ZFP1: variants seen among roughly 807,000 people sequenced by gnomAD.
ZFP1 encodes the protein ZFP1 zinc finger protein.
Under a neutral mutation model 38.5 loss-of-function variants are expected in ZFP1, and 32 were observed. The observed-to-expected ratio is 0.83, with a 90% CI of 0.63 to 1.12. ZFP1 has a LOEUF of 1.12. Ranked by LOEUF, ZFP1 falls within the 50% of genes most tolerant of loss-of-function variation. The pLI is 0.00. For missense variants in ZFP1, 616 were observed against 480.8 expected (o/e 1.28, Z -2.63); for synonymous variants, 245 against 168.8 (o/e 1.45, Z -3.50).
chr16:75,147,585 C>G (rs1045743423), upstream of ZFP1, among the ~76,000 whole-genome samples: 1 of 152,004 alleles, frequency 6.6e-6, no homozygotes, highest in Non-Finnish European at 1.5e-5. Flanking sequence ...CTGAGCCTGG[C>G]CAGGTGCTGA....
At chr16:75,151,081 A>ACC (rs996503742) in intron 1 of ZFP1, among the ~76,000 whole-genome samples, 5 of 151,716 alleles carry the variant, frequency 3.3e-5, no homozygotes, top group African/African-American at 1.2e-4. Flanking sequence ...CTGGTCTCAA[A>ACC]CCCCTGGGCT....
rs2038302576 is a variant in ZFP1 at position 75,169,497 on chromosome 16, G to A, written c.387G>A (p.Lys129=). The A allele has an allele frequency of 1.2e-6, 2 of 1,613,130 alleles. No individual in the cohort carries two copies. Among genetic ancestry groups the A allele is most frequent in the Admixed American group, 1.7e-5 (1 of 59,736 alleles). ...ATAGTAATAGAAGCTATGCAGGAAA[G>A]CAGACTGATGAGTGTAATGAATTTG... ...LLNSNRSYAG[K]QTDECNEFGK... Residue 129 remains lysine (K), a synonymous_variant, in exon 4 of 4, where the codon AAG becomes AAA. Transcript: ENST00000570010.
chr16:75,142,501 T>A, the ZFP1 span, among the ~76,000 whole-genome samples: 1 of 152,322 alleles, frequency 6.6e-6, no homozygotes, highest in Non-Finnish European at 1.5e-5. Context: ...TAATCTACTG[T>A]TGTCACTCAC....
intron 2 of ZFP1, among the ~76,000 whole-genome samples, chr16:75,156,029 A>G (rs1385100518): frequency 1.3e-5 from 2 of 152,092 alleles, no homozygotes; most frequent in East Asian, 1.9e-4. Flanking sequence ...TACACTAGCT[A>G]GTGTTAGCTA....
the ZFP1 span, among the ~76,000 whole-genome samples, chr16:75,138,197 T>C: frequency 0.074 from 11,248 of 152,002 alleles, 1,399 homozygotes; most frequent in African/African-American, 0.26. Context: ...CCACCACACC[T>C]GGCTAATTTT....
the ZFP1 span, among the ~76,000 whole-genome samples, chr16:75,140,240 C>A: frequency 6.6e-6 from 1 of 150,738 alleles, no homozygotes; most frequent in Admixed American, 6.7e-5. Flanking sequence ...TGCACTCCAG[C>A]CTGGGCAACA....
At chr16:75,122,205 C>T in the ZFP1 span, among the ~76,000 whole-genome samples, 1 of 152,234 alleles carries the variant, frequency 6.6e-6, no homozygotes, top group African/African-American at 2.4e-5. Flanking sequence ...ATTCCTCATG[C>T]AGGTAGCCCC....
intron 2 of ZFP1, among the ~76,000 whole-genome samples, chr16:75,158,866 C>T (rs11643877): frequency 0.78 from 117,935 of 150,334 alleles, 47,394 homozygotes; most frequent in Non-Finnish European, 0.87. Flanking sequence ...TACATCTGCT[C>T]CTTTTGGGTT....
chr16:75,170,462 T>A lies in ZFP1; in HGVS notation c.*128T>A. On this transcript the variant is annotated 3_prime_UTR_variant, in exon 4 of 4. Transcript: ENST00000570010. ...TGCAATCTCTCAACTCAAAAATGTATTAAAAATAGGATCCCATGAGAACAT... is the reference window on the plus strand; with the variant it reads ...TGCAATCTCTCAACTCAAAAATGTAATAAAAATAGGATCCCATGAGAACAT... 7.6e-7 allele frequency: 1 copy of A among 1,318,906 alleles called. No homozygotes were observed. Among genetic ancestry groups the A allele is most frequent in the Non-Finnish European group, 9.9e-7 (1 of 1,009,458 alleles). The allele number at this position is 1,318,906 out of a possible 1,614,324, so 81.7% of individuals were successfully genotyped here. A position where few individuals can be genotyped will look rare whatever the true frequency, so the allele number is the denominator to read the frequency against.
At chr16:75,164,940 G>C (rs2037982950) in intron 2 of ZFP1, among the ~76,000 whole-genome samples, 1 of 152,028 alleles carries the variant, frequency 6.6e-6, no homozygotes, top group African/African-American at 2.4e-5. Flanking sequence ...TGAGTAGCTG[G>C]GATTACAGGC....
chr16:75,123,455 GTATATATATA>G, the ZFP1 span, among the ~76,000 whole-genome samples: 12,463 of 86,982 alleles, frequency 0.14, 1,406 homozygotes, highest in East Asian at 0.33. Flanking sequence ...GTGTGTATAT[GTATATATATA>G]TATATATATA....
chr16:75,144,579 T>G (rs2036923591), upstream of ZFP1, among the ~76,000 whole-genome samples: 1 of 152,216 alleles, frequency 6.6e-6, no homozygotes, highest in Non-Finnish European at 1.5e-5. Flanking sequence ...TAATAAGATC[T>G]TCAGAAAAAT....
Position 75,148,603 on chromosome 16 carries a change from G to C in ZFP1, c.-84G>C, listed in dbSNP as rs931725090. The C allele has an allele frequency of 3.9e-5, 6 of 152,256 alleles. No individual in the cohort carries two copies. The highest frequency in any genetic ancestry group is 1.3e-4 in the Admixed American group (2 of 15,262). The allele number at this position is 152,256 out of a possible 1,614,324, so 9.4% of individuals were successfully genotyped here. A position where few individuals can be genotyped will look rare whatever the true frequency, so the allele number is the denominator to read the frequency against. ...TCTTCGCCGCCCTGCGCCGTGACCC[G>C]CTGTGGCACTGGGCCACGAGTGGAG... On this transcript the variant is annotated 5_prime_UTR_variant, in exon 1 of 4. Coordinates refer to ENST00000570010, the MANE Select transcript of ZFP1 (RefSeq NM_153688.4).
intron 2 of ZFP1, among the ~76,000 whole-genome samples, chr16:75,163,375 T>C (rs1429543128): frequency 1.3e-5 from 2 of 151,596 alleles, no homozygotes; most frequent in Non-Finnish European, 2.9e-5. Context: ...TGTAGTGGCA[T>C]GATCTCGCTC....
chr16:75,131,541 G>GCACACTCCCCTCTCATCCTAGCTGGGTA, the ZFP1 span, among the ~76,000 whole-genome samples: 2 of 152,118 alleles, frequency 1.3e-5, no homozygotes, highest in South Asian at 2.1e-4. Context: ...AATCGGGAGT[G>GCACACTCCCCTCTCATCCTAGCTGGGTA]CACACTCCCC....
chr16:75,168,665 G>C lies in ZFP1; in HGVS notation c.143-588G>C, dbSNP rs910979378. Among the ~76,000 whole-genome samples the C allele has an allele frequency of 2.6e-5, 4 of 152,132 alleles. No individual in the cohort carries two copies. In the South Asian group the frequency reaches 8.3e-4, roughly 32 times the overall value. On this transcript the variant is annotated intron_variant, in intron 3 of 3. Transcript: ENST00000570010. ...GCAAGATTCTCACTTAAGAGATTTG[G>C]AGCTCTGCTATCTGGTTGTCACTGC...
chr16:75,125,964 A>T, the ZFP1 span, among the ~76,000 whole-genome samples: 2 of 149,572 alleles, frequency 1.3e-5, no homozygotes, highest in African/African-American at 4.9e-5. Flanking sequence ...AATCGCTTGA[A>T]TCTGGGAGGC....
intron 2 of ZFP1, among the ~76,000 whole-genome samples, chr16:75,158,919 T>G: frequency 6.6e-6 from 1 of 150,842 alleles, no homozygotes; most frequent in Non-Finnish European, 1.5e-5. Flanking sequence ...TTTTTTTTTT[T>G]TTTGAGACAG....
At chr16:75,149,666 G>T (rs1437888772) in intron 1 of ZFP1, among the ~76,000 whole-genome samples, 1 of 146,362 alleles carries the variant, frequency 6.8e-6, no homozygotes, top group Non-Finnish European at 1.5e-5. Context: ...TTAAAGTAGT[G>T]CTCTGCCTCA....
Sources: gnomAD v4.1 joint callset for allele counts (sites outside exome capture counted in the v4.1 genomes callset) on GRCh38, gnomAD v4.1.1 for gene constraint, MANE v1.5 for transcripts, NCBI Gene and HGNC (gene_info 2026-07-23, HGNC 2026-07-21) for gene names.